Variants in CFAP97 observed in about 807,000 individuals in gnomAD.
CFAP97 encodes the protein cilia and flagella associated protein 97.
In CFAP97, 36 loss-of-function variants were observed where a neutral mutation model predicts 43.1. The ratio of observed to expected loss-of-function variants is 0.84; its 90% CI spans 0.64 to 1.10. CFAP97 has a LOEUF of 1.10. CFAP97 is among the 50% of genes least tolerant of loss of function. CFAP97 has a pLI of 0.00. For synonymous variants in CFAP97, 228 were observed against 225.7 expected, an observed-to-expected ratio of 1.01 and a Z score of -0.09; for missense variants, 657 against 620.3, an observed-to-expected ratio of 1.06 and a Z score of -0.63.
chr4:185,178,823 G>C (rs1257199908), intron 2 of CFAP97, among the ~76,000 whole-genome samples: 1 of 152,098 alleles, frequency 6.6e-6, no homozygotes, highest in Non-Finnish European at 1.5e-5. Flanking sequence ...TGTTGATGAA[G>C]TCTGAGGGGA....
upstream of CFAP97, among the ~76,000 whole-genome samples, chr4:185,205,618 C>A (rs962897934): frequency 1.3e-5 from 2 of 152,150 alleles, no homozygotes; most frequent in African/African-American, 2.4e-5. Context: ...CACCTGAGGT[C>A]AGGAGTTCCA....
chr4:185,162,973 A>C, intron 4 of CFAP97, 48 bp from the exon 5 acceptor site: 1 of 1,473,268 alleles, frequency 6.8e-7, no homozygotes, highest in Non-Finnish European at 9.0e-7. Flanking sequence ...TCCTCACTTG[A>C]AGTCCAGACT....
At chr4:185,164,861 A>G (rs1735007388) in intron 3 of CFAP97, among the ~76,000 whole-genome samples, 1 of 152,236 alleles carries the variant, frequency 6.6e-6, no homozygotes, top group African/African-American at 2.4e-5. Context: ...GTTAGACCCT[A>G]GGAATGAGCA....
intron 3 of CFAP97, among the ~76,000 whole-genome samples, chr4:185,174,521 T>C (rs760214027): frequency 8.5e-5 from 13 of 152,196 alleles, no homozygotes; most frequent in African/African-American, 1.2e-4. Context: ...TTTAGGTAAG[T>C]ATATGGTTAC....
intron 1 of CFAP97, among the ~76,000 whole-genome samples, chr4:185,193,872 A>G (rs1736418145): frequency 6.9e-6 from 1 of 144,910 alleles, no homozygotes; most frequent in Non-Finnish European, 1.5e-5. Context: ...TGGGCGACAG[A>G]GAGAGACTCC....
intron 1 of CFAP97, among the ~76,000 whole-genome samples, chr4:185,193,031 C>A (rs1049132420): frequency 6.6e-6 from 1 of 151,960 alleles, no homozygotes; most frequent in Non-Finnish European, 1.5e-5. Context: ...TGAGCCACCG[C>A]GCCCCACCCA....
chr4:185,170,434 A>G (rs746486894), intron 3 of CFAP97: 3 of 400,480 alleles, frequency 7.5e-6, no homozygotes, highest in Non-Finnish European at 8.9e-6. Context: ...ATTGAGACGG[A>G]GTTTTGCTCT....
intron 2 of CFAP97, among the ~76,000 whole-genome samples, chr4:185,177,437 T>G (rs1407473045): frequency 6.6e-6 from 1 of 151,224 alleles, no homozygotes; most frequent in African/African-American, 2.4e-5. Context: ...GAATACACGA[T>G]ATCAGATTAA....
At chr4:185,163,025 C>T (rs1734927798) in intron 4 of CFAP97, 100 bp from the exon 5 acceptor site, 15 of 1,055,614 alleles carry the variant, frequency 1.4e-5, no homozygotes, top group Admixed American at 4.0e-5. Context: ...TAGTCTAATG[C>T]TATGATTCTC....
intron 2 of CFAP97, among the ~76,000 whole-genome samples, chr4:185,181,320 CTTT>C (rs778362979): frequency 4.0e-5 from 4 of 99,182 alleles, no homozygotes; most frequent in Admixed American, 1.3e-4. Context: ...CATAATCATA[CTTT>C]TTTTTTTTTT....
rs2111300813 is a variant in CFAP97 at position 185,160,690 on chromosome 4, G to C, written c.*2108C>G. 1 of 151,676 alleles carries C rather than the reference G, an allele frequency of 6.6e-6. No individual in the cohort carries two copies. The highest frequency in any genetic ancestry group is 2.4e-5 in the African/African-American group (1 of 41,408). The allele number at this position is 151,676 out of a possible 1,614,324, so 9.4% of individuals were successfully genotyped here. A position where few individuals can be genotyped will look rare whatever the true frequency, so the allele number is the denominator to read the frequency against. ...CCCTTTCAAAGTAGTAAAAACTAAA[G>C]CATTAAATTAGTACCTAAAATCAAA... On this transcript the variant is annotated 3_prime_UTR_variant, in exon 5 of 5. Transcript: ENST00000458385.
chr4:185,160,437 T>C lies in CFAP97; in HGVS notation c.*2361A>G, dbSNP rs1238570665. 6.6e-6 allele frequency: 1 copy of C among 152,038 alleles called. No homozygotes were observed. The highest frequency in any genetic ancestry group is 1.5e-5 in the Non-Finnish European group (1 of 67,996). 9.4% of individuals were successfully genotyped at this position (152,038 alleles called of 1,614,324 possible). A position where few individuals can be genotyped will look rare whatever the true frequency, so the allele number is the denominator to read the frequency against. On this transcript the variant is annotated 3_prime_UTR_variant, in exon 5 of 5. Coordinates refer to ENST00000458385, the MANE Select transcript of CFAP97 (RefSeq NM_020827.3). ...TTTCATGTCCTTGAAATGAGAAGAG[T>C]AATGTACTTAAGTAATTCCTTCTTA... is the stretch of plus-strand genomic sequence containing the variant.
At chr4:185,172,850 C>T (rs1051937144) in intron 3 of CFAP97, among the ~76,000 whole-genome samples, 1 of 52,746 alleles carries the variant, frequency 1.9e-5, no homozygotes, top group East Asian at 5.6e-4. Flanking sequence ...CCCATCTCTA[C>T]AAAAAAAAAA....
chr4:185,182,282 C>T (rs1190297638), intron 2 of CFAP97: 2 of 151,684 alleles, frequency 1.3e-5, no homozygotes, highest in African/African-American at 4.8e-5. Flanking sequence ...TTTTTTAATG[C>T]CCTCTCTGCC....
At chr4:185,196,951 T>G (rs1435326303) in intron 1 of CFAP97, among the ~76,000 whole-genome samples, 1 of 151,832 alleles carries the variant, frequency 6.6e-6, no homozygotes, top group Admixed American at 6.6e-5. Flanking sequence ...ATACAAAGAT[T>G]AGCTGGGTGT....
chr4:185,197,102 T>TTA (rs1235108095), intron 1 of CFAP97, among the ~76,000 whole-genome samples: 1 of 86,800 alleles, frequency 1.2e-5, no homozygotes, highest in Admixed American at 1.5e-4. Flanking sequence ...CCCTCTTAAT[T>TTA]AAAAAAAAAA....
At chr4:185,192,702 CT>C (rs1233849258) in intron 1 of CFAP97, among the ~76,000 whole-genome samples, 1 of 145,268 alleles carries the variant, frequency 6.9e-6, no homozygotes, top group Admixed American at 6.8e-5. Context: ...CAGACTTGAC[CT>C]TTGACCTTCT....
At chr4:185,210,112 C>T (rs887197389), upstream of CFAP97, 13 of 984,114 alleles carry the variant, frequency 1.3e-5, no homozygotes, top group Non-Finnish European at 1.6e-5. This position sits in a 1 kb window ranked among gnomAD's most constrained non-coding sequence, Gnocchi z 4.4. Flanking sequence ...CAGGCTCAGC[C>T]TGTACCTGAG....
At chr4:185,167,729 C>A (rs1336269809) in intron 3 of CFAP97, among the ~76,000 whole-genome samples, 1 of 151,980 alleles carries the variant, frequency 6.6e-6, no homozygotes, top group African/African-American at 2.4e-5. Flanking sequence ...GGCGTGGTGG[C>A]TCACCCCATA....
Sources: gnomAD v4.1 joint callset for allele counts (sites outside exome capture counted in the v4.1 genomes callset) on GRCh38, gnomAD v4.1.1 for gene constraint, Gnocchi (gnomAD v3.1) non-coding constraint, MANE v1.5 for transcripts, NCBI Gene and HGNC (gene_info 2026-07-23, HGNC 2026-07-21) for gene names.